Variants in KAT2B observed in about 807,000 individuals in gnomAD.
KAT2B encodes histone acetyltransferase KAT2B.
Under a neutral mutation model 105.9 loss-of-function variants are expected in KAT2B, and 36 were observed. The observed-to-expected ratio is 0.34, with a 90% confidence interval of 0.26 to 0.45. KAT2B has a LOEUF of 0.45. Among genes scored for constraint, KAT2B ranks in the 20% least tolerant of loss-of-function variants. The pLI, the probability that KAT2B is intolerant of heterozygous loss-of-function variation, is 1.00. For missense variants in KAT2B, 820 were observed against 1,021.6 expected, an observed-to-expected ratio of 0.80 and a Z score of 2.69; for synonymous variants, 397 against 377.9, an observed-to-expected ratio of 1.05 and a Z score of -0.59.
intron 1 of KAT2B, among the ~76,000 whole-genome samples, chr3:20,056,131 A>G (rs1418287284): frequency 2.6e-5 from 4 of 152,188 alleles, no homozygotes; most frequent in African/African-American, 9.7e-5. Flanking sequence ...TATATGAGAG[A>G]AACAGTAGAT....
chr3:20,059,600 G>A (rs1698064442), intron 1 of KAT2B, among the ~76,000 whole-genome samples: 1 of 152,034 alleles, frequency 6.6e-6, no homozygotes, highest in Admixed American at 6.6e-5. Flanking sequence ...AGCTACTTGG[G>A]AGGCTGAGGC....
At chr3:20,148,370 A>G (rs200264278) in intron 16 of KAT2B, 33 bp from the exon 17 acceptor site, 4 of 1,610,260 alleles carry the variant, frequency 2.5e-6, no homozygotes, top group Non-Finnish European at 3.4e-6. Flanking sequence ...TGGAATTTCC[A>G]TATTAGATAC....
At chr3:20,052,531 T>G (rs1402291470) in intron 1 of KAT2B, among the ~76,000 whole-genome samples, 4 of 152,022 alleles carry the variant, frequency 2.6e-5, no homozygotes, top group Admixed American at 1.3e-4. Flanking sequence ...TTTGTGAGAT[T>G]GGTGGAAAGG....
At position 20,040,502 on chromosome 3, in the gene KAT2B, C is replaced by A; in HGVS notation, c.25C>A (p.Pro9Thr). Residue 9 changes from proline to threonine, a missense_variant, in exon 1 of 18, where the codon CCG becomes ACG. Physicochemically the swap from Pro to Thr is conservative, Grantham distance 38 (BLOSUM62 -1). Coordinates refer to ENST00000263754, the MANE Select transcript of KAT2B (RefSeq NM_003884.5). MSEAGGAGPGGCGAGAGAG... is the reference protein window; with the variant it reads MSEAGGAGTGGCGAGAGAG... ...CATGTCCGAGGCTGGCGGGGCCGGG[C>A]CGGGCGGCTGCGGGGCAGGAGCCGG... The A allele has an allele frequency of 9.7e-7, 1 of 1,034,084 alleles. No homozygotes were observed. The highest frequency in any genetic ancestry group is 1.2e-6 in the Non-Finnish European group (1 of 862,888). The allele number at this position is 1,034,084 out of a possible 1,614,324, so 64.1% of individuals were successfully genotyped here.
chr3:20,052,147 T>C (rs1285761056), intron 1 of KAT2B, among the ~76,000 whole-genome samples: 1 of 152,242 alleles, frequency 6.6e-6, no homozygotes. Context: ...CTCATTCCAG[T>C]CTGTTCTTAA....
chr3:20,150,170 A>C, intron 17 of KAT2B, among the ~76,000 whole-genome samples: 1 of 152,218 alleles, frequency 6.6e-6, no homozygotes. Flanking sequence ...TGATGGGCTG[A>C]AATGTGTGCT....
chr3:20,061,809 T>TTATACATAAAGTATATAATATATAA (rs1430424464), intron 1 of KAT2B, among the ~76,000 whole-genome samples: 3 of 127,882 alleles, frequency 2.3e-5, no homozygotes, highest in Non-Finnish European at 4.9e-5. Context: ...ATATTATATA[T>TTATACATAAAGTATATAATATATAA]TATACATAAA....
At position 20,040,792 on chromosome 3, in the gene KAT2B, C is replaced by T; in HGVS notation, c.303+12C>T. 1 of 1,582,806 alleles carries T rather than the reference C, an allele frequency of 6.3e-7. No homozygotes were observed. Among genetic ancestry groups the T allele is most frequent in the African/African-American group, 1.4e-5 (1 of 72,592 alleles). On this transcript the variant is annotated intron_variant, in intron 1 of 17. Coordinates refer to ENST00000263754, the MANE Select transcript of KAT2B (RefSeq NM_003884.5). ...ACTCCGCCTGCAAGGTACGCGCTCG[C>T]CGCTCTCGGACCGCGGATGGGTGCT...
chr3:20,062,098 C>CATATTATATATATTAT (rs1559514061), intron 1 of KAT2B, among the ~76,000 whole-genome samples: 53 of 74,536 alleles, frequency 7.1e-4, no homozygotes, highest in East Asian at 4.7e-3. Flanking sequence ...ATATATAAAA[C>CATATTATATATATTAT]ATATAATATA....
intron 1 of KAT2B, among the ~76,000 whole-genome samples, chr3:20,043,393 G>A (rs1286888229): frequency 2.6e-5 from 4 of 152,202 alleles, no homozygotes; most frequent in Non-Finnish European, 5.9e-5. Context: ...TGAGGGCAGT[G>A]AACCAAAATT....
chr3:20,068,143 T>C (rs963060122), intron 1 of KAT2B, among the ~76,000 whole-genome samples: 2 of 151,348 alleles, frequency 1.3e-5, no homozygotes, highest in African/African-American at 2.4e-5. Context: ...ATTACAGGTG[T>C]GCACCACCAT....
At chr3:20,092,767 T>A (rs1698745448) in intron 2 of KAT2B, among the ~76,000 whole-genome samples, 1 of 152,106 alleles carries the variant, frequency 6.6e-6, no homozygotes, top group South Asian at 2.1e-4. Flanking sequence ...ACTGGTGTGA[T>A]GTCGGCTCAC....
chr3:20,132,504 C>T (rs1699528412), intron 11 of KAT2B, among the ~76,000 whole-genome samples: 2 of 152,086 alleles, frequency 1.3e-5, no homozygotes, highest in Admixed American at 1.3e-4. Flanking sequence ...CTTTTGATGG[C>T]AGGTAAAAAT....
At chr3:20,117,009 C>T (rs1045229068) in intron 7 of KAT2B, among the ~76,000 whole-genome samples, 2 of 152,152 alleles carry the variant, frequency 1.3e-5, no homozygotes, top group South Asian at 2.1e-4. Flanking sequence ...ACAGTTTCCT[C>T]CCTCAGGCAG....
intron 2 of KAT2B, among the ~76,000 whole-genome samples, chr3:20,074,200 T>C (rs1698378582): frequency 6.6e-6 from 1 of 152,226 alleles, no homozygotes; most frequent in Admixed American, 6.5e-5. Flanking sequence ...GGTGACAGTG[T>C]TTTCTGGCCT....
At chr3:20,126,591 G>A (rs1025312047) in intron 10 of KAT2B, among the ~76,000 whole-genome samples, 7 of 151,720 alleles carry the variant, frequency 4.6e-5, no homozygotes, top group African/African-American at 1.2e-4. Context: ...GGGAGGCTGA[G>A]GTGGGAGGAT....
At chr3:20,077,306 T>G (rs1698436822) in intron 2 of KAT2B, among the ~76,000 whole-genome samples, 1 of 152,134 alleles carries the variant, frequency 6.6e-6, no homozygotes, top group Non-Finnish European at 1.5e-5. Context: ...GGGGCCACTG[T>G]GTGTGTAGCC....
At chr3:20,067,197 A>C (rs2125177534) in intron 1 of KAT2B, among the ~76,000 whole-genome samples, 1 of 152,364 alleles carries the variant, frequency 6.6e-6, no homozygotes, top group South Asian at 2.1e-4. Context: ...AAGTAAAATC[A>C]GCCAGTTTTG....
intron 1 of KAT2B, among the ~76,000 whole-genome samples, chr3:20,048,943 C>A (rs1236893555): frequency 6.6e-6 from 1 of 151,982 alleles, no homozygotes; most frequent in Non-Finnish European, 1.5e-5. Context: ...TGCACTGCAA[C>A]CTCCACCTCC....
Sources: allele counts gnomAD v4.1 joint callset (sites outside exome capture counted in the v4.1 genomes callset), GRCh38; gene constraint gnomAD v4.1.1; transcripts MANE v1.5; gene names NCBI Gene and HGNC (gene_info 2026-07-23, HGNC 2026-07-21).